SIPA1L2: variants seen among roughly 807,000 people sequenced by gnomAD.
SIPA1L2 encodes the protein signal-induced proliferation-associated 1-like protein 2.
A neutral mutation model predicts 163.9 loss-of-function variants in SIPA1L2; 56 were observed. That is an observed-to-expected ratio of 0.34 (90% confidence interval 0.28 to 0.43). The LOEUF (loss-of-function observed/expected upper bound fraction) is 0.43. SIPA1L2 is among the 20% of genes least tolerant of loss of function. The pLI is 1.00. For missense variants in SIPA1L2, 1,974 were observed against 2,193.5 expected (o/e 0.90, Z 2.00); for synonymous variants, 877 against 865.7 (o/e 1.01, Z -0.23).
chr1:232,551,196 T>A (rs189985716), intron 2 of SIPA1L2, among the ~76,000 whole-genome samples: 2 of 152,306 alleles, frequency 1.3e-5, no homozygotes, highest in East Asian at 3.9e-4. Context: ...TGGGACCTAA[T>A]AGGCACTCCA....
At chr1:232,532,523 C>T (rs1427365012) in intron 2 of SIPA1L2, among the ~76,000 whole-genome samples, 1 of 152,178 alleles carries the variant, frequency 6.6e-6, no homozygotes, top group Non-Finnish European at 1.5e-5. Flanking sequence ...ACTGTAAACT[C>T]AGCTATATGT....
chr1:232,590,108 C>T (rs1192259508), intron 1 of SIPA1L2, among the ~76,000 whole-genome samples: 1 of 152,170 alleles, frequency 6.6e-6, no homozygotes, highest in Non-Finnish European at 1.5e-5. Flanking sequence ...TCCATCTCTC[C>T]TATCCTCTTC....
chr1:232,583,067 C>T (rs1660466148), intron 1 of SIPA1L2, among the ~76,000 whole-genome samples: 1 of 152,186 alleles, frequency 6.6e-6, no homozygotes, highest in African/African-American at 2.4e-5. Flanking sequence ...GCTTCTTGTC[C>T]TGGTGCTCTT....
intron 2 of SIPA1L2, among the ~76,000 whole-genome samples, chr1:232,522,123 T>C (rs2103062266): frequency 6.6e-6 from 1 of 152,278 alleles, no homozygotes; most frequent in Non-Finnish European, 1.5e-5. Context: ...TGTCAATTTC[T>C]TCATCTTGAC....
intron 1 of SIPA1L2, among the ~76,000 whole-genome samples, chr1:232,600,799 A>C (rs1292617803): frequency 1.3e-5 from 2 of 151,968 alleles, no homozygotes; most frequent in Non-Finnish European, 2.9e-5. Context: ...CTCCAGGAAA[A>C]CTCATGGAAG....
chr1:232,570,945 T>TAAAAAAAAAAAAAAAAAAAAA (rs11300623), intron 2 of SIPA1L2, among the ~76,000 whole-genome samples: 1 of 76,792 alleles, frequency 1.3e-5, no homozygotes, highest in Non-Finnish European at 3.3e-5. Flanking sequence ...CCAGAAACTA[T>TAAAAAAAAAAAAAAAAAAAAA]AAAAAAAAAA....
At chr1:232,424,412 C>T (rs185176061) in intron 18 of SIPA1L2, among the ~76,000 whole-genome samples, 9 of 147,740 alleles carry the variant, frequency 6.1e-5, no homozygotes, top group South Asian at 2.1e-4. Flanking sequence ...ACATAACACA[C>T]GTACCACAGA....
intron 4 of SIPA1L2, 61 bp from the exon 5 acceptor site, chr1:232,491,123 T>C: frequency 6.9e-7 from 1 of 1,446,332 alleles, no homozygotes; most frequent in Non-Finnish European, 9.4e-7. Context: ...ACTCACAGCC[T>C]AACTGTTTGG....
intron 5 of SIPA1L2, among the ~76,000 whole-genome samples, chr1:232,485,914 G>A (rs1373007499): frequency 6.6e-6 from 1 of 152,114 alleles, no homozygotes; most frequent in African/African-American, 2.4e-5. Context: ...TAGAATTGCT[G>A]CACCATCATC....
intron 16 of SIPA1L2, among the ~76,000 whole-genome samples, chr1:232,430,358 A>G (rs1194669582): frequency 6.6e-6 from 1 of 152,244 alleles, no homozygotes; most frequent in Non-Finnish European, 1.5e-5. Context: ...AGAACTGCTC[A>G]TTCGCTGATA....
At chr1:232,469,056 T>G (rs1664669439) in intron 8 of SIPA1L2, among the ~76,000 whole-genome samples, 1 of 152,170 alleles carries the variant, frequency 6.6e-6, no homozygotes, top group South Asian at 2.1e-4. Flanking sequence ...GAGTGTGGTC[T>G]TCTGCTCAGG....
intron 5 of SIPA1L2, among the ~76,000 whole-genome samples, chr1:232,488,470 T>G (rs1248804113): frequency 6.6e-6 from 1 of 152,190 alleles, no homozygotes; most frequent in Non-Finnish European, 1.5e-5. Context: ...CAATCTCTTT[T>G]AAAGATGAAC....
intron 19 of SIPA1L2, among the ~76,000 whole-genome samples, chr1:232,405,286 C>T (rs1205184009): frequency 1.3e-5 from 2 of 152,250 alleles, no homozygotes; most frequent in South Asian, 2.1e-4. Flanking sequence ...TGCTAACACA[C>T]CTGCCCTAGG....
intron 11 of SIPA1L2, 81 bp downstream of exon 11, chr1:232,445,448 A>T: frequency 2.5e-6 from 4 of 1,587,076 alleles, no homozygotes. Context: ...GAAGTGATTA[A>T]GCAAAACCCT....
intron 2 of SIPA1L2, among the ~76,000 whole-genome samples, chr1:232,541,935 A>ATCTCTCTC (rs59407464): frequency 0.011 from 1,638 of 148,192 alleles, 32 homozygotes; most frequent in African/African-American, 0.035. Context: ...TGAGCCTTAA[A>ATCTCTCTC]TCTCTCTCTC....
chr1:232,557,281 A>C (rs926143185), intron 2 of SIPA1L2, among the ~76,000 whole-genome samples: 2 of 152,092 alleles, frequency 1.3e-5, no homozygotes, highest in Non-Finnish European at 2.9e-5. Context: ...TACCTAAGGC[A>C]CCCCATAATG....
At chr1:232,562,823 A>G (rs561054119) in intron 2 of SIPA1L2, among the ~76,000 whole-genome samples, 10 of 152,348 alleles carry the variant, frequency 6.6e-5, no homozygotes, top group African/African-American at 2.2e-4. Context: ...TCACGTGTTC[A>G]CTTTTTTCCC....
At chr1:232,599,627 C>G (rs60568186) in intron 1 of SIPA1L2, among the ~76,000 whole-genome samples, 20,057 of 152,150 alleles carry the variant, frequency 0.13, 1,592 homozygotes, top group Middle Eastern at 0.27. Context: ...TTGGTGAGAG[C>G]GGCTACACGG....
At chr1:232,492,908 A>G (rs1666001994) in intron 4 of SIPA1L2, among the ~76,000 whole-genome samples, 1 of 152,168 alleles carries the variant, frequency 6.6e-6, no homozygotes, top group Non-Finnish European at 1.5e-5. Context: ...AGAAGGAATA[A>G]TTGTTGCAAT....
Sources: allele counts gnomAD v4.1 joint callset (sites outside exome capture counted in the v4.1 genomes callset), GRCh38; gene constraint gnomAD v4.1.1; transcripts MANE v1.5; gene names NCBI Gene and HGNC (gene_info 2026-07-23, HGNC 2026-07-21).